Variants in GALNT13 observed in about 807,000 individuals in gnomAD.
The protein encoded by GALNT13 is polypeptide N-acetylgalactosaminyltransferase 13.
GALNT13 carries 28 observed loss-of-function variants against 64.2 expected under a neutral mutation model. The observed-to-expected ratio is 0.44, with a 90% CI of 0.32 to 0.60. The LOEUF (loss-of-function observed/expected upper bound fraction) is 0.60, where lower values mean the gene tolerates loss of function less well. GALNT13 is among the 20% of genes least tolerant of loss of function. GALNT13 has a pLI of 0.05. For synonymous variants in GALNT13, 214 were observed against 224.6 expected, an observed-to-expected ratio of 0.95 and a Z score of 0.42; for missense variants, 577 against 669.8, an observed-to-expected ratio of 0.86 and a Z score of 1.53.
the GALNT13 span, among the ~76,000 whole-genome samples, chr2:153,382,773 T>C: frequency 6.6e-6 from 1 of 152,114 alleles, no homozygotes; most frequent in Non-Finnish European, 1.5e-5. Context: ...TAAACTGTTA[T>C]ATAAATCTAA....
the GALNT13 span, among the ~76,000 whole-genome samples, chr2:153,302,512 A>G: frequency 6.6e-6 from 1 of 152,038 alleles, no homozygotes. Context: ...CACATTCCGT[A>G]AGTTGTCGTC....
chr2:154,342,983 C>A (rs1183807900), intron 9 of GALNT13, among the ~76,000 whole-genome samples: 1 of 151,952 alleles, frequency 6.6e-6, no homozygotes, highest in Non-Finnish European at 1.5e-5. Context: ...AAGTACATTG[C>A]AAGCATTGTA....
In GALNT13 at chr2:154,274,767, G is replaced by A. The variant is rs187123327; in HGVS notation, c.975+15629G>A. 9.2e-4 allele frequency among the ~76,000 whole-genome samples: 140 copies of A among 152,158 alleles called. No homozygotes were observed. In the Middle Eastern group the frequency reaches 0.014, roughly 15 times the overall value. On this transcript the variant is annotated intron_variant, in intron 8 of 12. Coordinates refer to ENST00000392825, the MANE Select transcript of GALNT13 (RefSeq NM_052917.4). ...CTAATACAGTAAATTGGTACTGGGG[G>A]TACCAAAAAGATACCCAAAAATGTA...
chr2:153,958,747 G>C (rs754372524), intron 3 of GALNT13, among the ~76,000 whole-genome samples: 2 of 152,148 alleles, frequency 1.3e-5, no homozygotes, highest in Non-Finnish European at 2.9e-5. Flanking sequence ...AAAGGCAGTG[G>C]GATGTTGAAC....
chr2:154,269,169 GAC>G (rs1691185104), intron 8 of GALNT13, among the ~76,000 whole-genome samples: 1 of 152,028 alleles, frequency 6.6e-6, no homozygotes, highest in Non-Finnish European at 1.5e-5. Flanking sequence ...TGGTAAATGA[GAC>G]AATGAAATTT....
intron 3 of GALNT13, among the ~76,000 whole-genome samples, chr2:154,059,523 CA>C (rs1449384955): frequency 1.3e-5 from 2 of 152,116 alleles, no homozygotes; most frequent in Admixed American, 6.5e-5. Flanking sequence ...ATTGTATATG[CA>C]CCATTATGTT....
intron 3 of GALNT13, among the ~76,000 whole-genome samples, chr2:153,962,445 T>C (rs930009860): frequency 4.6e-5 from 7 of 152,174 alleles, no homozygotes; most frequent in Non-Finnish European, 1.0e-4. Context: ...GGTGGTATGT[T>C]TGACTTATGT....
chr2:153,241,123 A>G, the GALNT13 span, among the ~76,000 whole-genome samples: 7 of 152,192 alleles, frequency 4.6e-5, no homozygotes, highest in East Asian at 5.8e-4. Flanking sequence ...GGGGATCTCA[A>G]AAGGAATTGC....
At chr2:154,107,712 C>A (rs1702700856) in intron 3 of GALNT13, among the ~76,000 whole-genome samples, 1 of 151,588 alleles carries the variant, frequency 6.6e-6, no homozygotes, top group African/African-American at 2.4e-5. Flanking sequence ...CCACATATTC[C>A]TTCTGTTCAT....
At chr2:153,931,747 T>C (rs1690535265) in intron 2 of GALNT13, among the ~76,000 whole-genome samples, 1 of 152,158 alleles carries the variant, frequency 6.6e-6, no homozygotes, top group African/African-American at 2.4e-5. Context: ...TGGATTCAGT[T>C]TGCTAGTATG....
chr2:154,298,391 T>TTATATAAATATATAATTTA (rs1009792027), intron 8 of GALNT13, among the ~76,000 whole-genome samples: 1 of 121,858 alleles, frequency 8.2e-6, no homozygotes, highest in South Asian at 2.4e-4. Context: ...TAAATATAAT[T>TTATATAAATATATAATTTA]TATATAAATA....
At chr2:154,259,225 A>G in intron 8 of GALNT13, 87 bp downstream of exon 8, 2 of 770,680 alleles carry the variant, frequency 2.6e-6, no homozygotes, top group Non-Finnish European at 4.4e-6. Flanking sequence ...CTGTCAAATC[A>G]TTTTTGCTGA....
At chr2:154,172,187 C>A (rs34427332) in intron 4 of GALNT13, among the ~76,000 whole-genome samples, 26,618 of 151,770 alleles carry the variant, frequency 0.18, 2,610 homozygotes, top group Middle Eastern at 0.3. Context: ...TTTACAGATG[C>A]ATAATAGATG....
the GALNT13 span, among the ~76,000 whole-genome samples, chr2:153,464,151 A>T: frequency 6.6e-6 from 1 of 152,064 alleles, no homozygotes; most frequent in Non-Finnish European, 1.5e-5. Flanking sequence ...GCTCTACTTT[A>T]GTCAAAATTG....
chr2:153,359,771 A>C, the GALNT13 span, among the ~76,000 whole-genome samples: 1 of 152,188 alleles, frequency 6.6e-6, no homozygotes, highest in African/African-American at 2.4e-5. Context: ...GGAATTTAAA[A>C]TAATTACAAT....
chr2:153,581,469 A>G, the GALNT13 span, among the ~76,000 whole-genome samples: 3 of 152,146 alleles, frequency 2.0e-5, no homozygotes, highest in African/African-American at 2.4e-5. Context: ...AAAGGAAAAT[A>G]AAAGCTGCCT....
the GALNT13 span, among the ~76,000 whole-genome samples, chr2:153,452,080 G>T: frequency 2.0e-5 from 3 of 152,172 alleles, no homozygotes; most frequent in Non-Finnish European, 4.4e-5. Flanking sequence ...TTTGGTTTTG[G>T]TTAACAAGTT....
chr2:153,252,950 CA>C, the GALNT13 span, among the ~76,000 whole-genome samples: 1 of 151,866 alleles, frequency 6.6e-6, no homozygotes, highest in African/African-American at 2.4e-5. Context: ...CTTGGCGATG[CA>C]GGCTCTTTTT....
the GALNT13 span, among the ~76,000 whole-genome samples, chr2:153,805,269 A>C: frequency 1.3e-5 from 2 of 152,094 alleles, no homozygotes; most frequent in African/African-American, 4.8e-5. Context: ...AAATACAATA[A>C]GTAACATATA....
Sources: allele counts gnomAD v4.1 joint callset (sites outside exome capture counted in the v4.1 genomes callset), GRCh38; gene constraint gnomAD v4.1.1; transcripts MANE v1.5; gene names NCBI Gene and HGNC (gene_info 2026-07-23, HGNC 2026-07-21).